Variants in RAP1GAP2 observed in about 807,000 individuals in gnomAD.
RAP1GAP2 encodes the protein RAP1 GTPase activating protein 2.
In RAP1GAP2, 27 loss-of-function variants were observed where a neutral mutation model predicts 95.0. The ratio of observed to expected loss-of-function variants is 0.28; its 90% confidence interval spans 0.21 to 0.39. The LOEUF (loss-of-function observed/expected upper bound fraction) is 0.39, where lower values mean the gene tolerates loss of function less well. Ranked by LOEUF, RAP1GAP2 falls within the 10% of genes least tolerant of loss-of-function variation. The pLI is 1.00. For missense variants in RAP1GAP2, 771 were observed against 970.0 expected (o/e 0.79, Z 2.72); for synonymous variants, 373 against 380.9 (o/e 0.98, Z 0.24).
chr17:2,917,791 C>T (rs927568749), intron 3 of RAP1GAP2, among the ~76,000 whole-genome samples: 17 of 152,100 alleles, frequency 1.1e-4, no homozygotes, highest in African/African-American at 3.6e-4. Flanking sequence ...TCTTGGCTCA[C>T]CGCAACCTCC....
intron 1 of RAP1GAP2, among the ~76,000 whole-genome samples, chr17:2,789,764 A>T (rs1453377696): frequency 7.0e-6 from 1 of 142,278 alleles, no homozygotes; most frequent in Non-Finnish European, 1.5e-5. Flanking sequence ...CTTGGGCGAC[A>T]GAGTGAGACT....
At chr17:2,970,828 C>T (rs1031340761) in intron 8 of RAP1GAP2, among the ~76,000 whole-genome samples, 2 of 151,908 alleles carry the variant, frequency 1.3e-5, no homozygotes, top group Admixed American at 1.3e-4. Context: ...TCACTTGAGC[C>T]CAGGAGTTCA....
chr17:2,896,074 G>A (rs1267618106), intron 2 of RAP1GAP2, among the ~76,000 whole-genome samples: 3 of 152,036 alleles, frequency 2.0e-5, no homozygotes, highest in African/African-American at 7.3e-5. Context: ...CCTCCTGTGC[G>A]ATCCCGTAGC....
At chr17:3,002,007 G>A (rs1024561297) in intron 14 of RAP1GAP2, among the ~76,000 whole-genome samples, 1 of 148,508 alleles carries the variant, frequency 6.7e-6, no homozygotes, top group Admixed American at 6.8e-5. Context: ...CTGTCACCCA[G>A]GCTAGAGTGC....
At chr17:2,935,483 G>A (rs1409793486) in intron 3 of RAP1GAP2, among the ~76,000 whole-genome samples, 1 of 152,038 alleles carries the variant, frequency 6.6e-6, no homozygotes, top group Non-Finnish European at 1.5e-5. Flanking sequence ...CTCCAGCCTG[G>A]GCAATAAGAG....
At chr17:2,997,616 T>A (rs1772419427) in intron 13 of RAP1GAP2, among the ~76,000 whole-genome samples, 1 of 152,164 alleles carries the variant, frequency 6.6e-6, no homozygotes, top group Non-Finnish European at 1.5e-5. Flanking sequence ...CCCATTTTTT[T>A]TTTCCTTTTT....
intron 2 of RAP1GAP2, among the ~76,000 whole-genome samples, chr17:2,832,747 C>T (rs117333996): frequency 0.022 from 3,263 of 151,698 alleles, 55 homozygotes; most frequent in Non-Finnish European, 0.032. Flanking sequence ...GAGGCCGAGG[C>T]GGGCGATGGC....
At chr17:3,026,922 C>T in intron 21 of RAP1GAP2, 22 bp from the exon 22 acceptor site, 1 of 1,547,004 alleles carries the variant, frequency 6.5e-7, no homozygotes, top group Non-Finnish European at 8.7e-7. Context: ...GCTGGCCTCG[C>T]TCACCCTGCC....
chr17:2,793,560 G>A (rs1380710362), upstream of RAP1GAP2, among the ~76,000 whole-genome samples: 1 of 152,234 alleles, frequency 6.6e-6, no homozygotes, highest in African/African-American at 2.4e-5. Flanking sequence ...CACCCAGCAT[G>A]GTGCTTGGCC....
chr17:2,813,562 C>T (rs1597358333), intron 2 of RAP1GAP2, among the ~76,000 whole-genome samples: 1 of 152,194 alleles, frequency 6.6e-6, no homozygotes, highest in South Asian at 2.1e-4. Flanking sequence ...TTGAGGCTGG[C>T]TGACTCTTTG....
intron 3 of RAP1GAP2, among the ~76,000 whole-genome samples, chr17:2,918,233 A>G (rs2042631697): frequency 6.6e-6 from 1 of 151,922 alleles, no homozygotes; most frequent in Non-Finnish European, 1.5e-5. Context: ...CAGGAGTTCA[A>G]GACCAGCCTG....
chr17:2,927,354 C>A (rs111949561), intron 3 of RAP1GAP2, among the ~76,000 whole-genome samples: 6 of 152,030 alleles, frequency 3.9e-5, no homozygotes, highest in East Asian at 2.0e-4. Flanking sequence ...GGGGTTTCAC[C>A]GTGTTAGCCA....
intron 1 of RAP1GAP2, among the ~76,000 whole-genome samples, chr17:2,762,397 CTTTTTTTTTT>C (rs71150894): frequency 1.6e-5 from 2 of 124,208 alleles, no homozygotes; most frequent in South Asian, 2.5e-4. Flanking sequence ...TTTTTTCTTT[CTTTTTTTTTT>C]TTTTTTTTGA....
intron 1 of RAP1GAP2, 116 bp from the exon 2 acceptor site, chr17:2,800,399 C>T (rs1210275253): frequency 7.1e-7 from 1 of 1,408,690 alleles, no homozygotes. Flanking sequence ...TAGCCAGTCC[C>T]TGACAGAGCC....
chr17:2,927,298 C>T (rs1432800589), intron 3 of RAP1GAP2, among the ~76,000 whole-genome samples: 24 of 152,128 alleles, frequency 1.6e-4, no homozygotes, highest in East Asian at 2.0e-4. Context: ...GGACTACAGG[C>T]ACCCGCCACC....
At chr17:2,917,029 G>A (rs187086224) in intron 3 of RAP1GAP2, among the ~76,000 whole-genome samples, 63 of 152,286 alleles carry the variant, frequency 4.1e-4, no homozygotes, top group Middle Eastern at 6.8e-3. Context: ...GGCTGGGTTC[G>A]TAGAATTCTC....
chr17:2,893,756 G>A (rs1265504036), intron 2 of RAP1GAP2, among the ~76,000 whole-genome samples: 1 of 151,734 alleles, frequency 6.6e-6, no homozygotes, highest in Non-Finnish European at 1.5e-5. Flanking sequence ...CGCTGACTGC[G>A]CCCGGGAGGG....
intron 2 of RAP1GAP2, among the ~76,000 whole-genome samples, chr17:2,849,707 C>G (rs1170994361): frequency 1.3e-5 from 2 of 152,192 alleles, no homozygotes; most frequent in Non-Finnish European, 2.9e-5. Context: ...GCTTTGGAGG[C>G]TGGAACAGGC....
At position 2,990,520 on chromosome 17, in the gene RAP1GAP2, C is replaced by G. The variant is rs180816288; in HGVS notation, c.814-777C>G. Among the ~76,000 whole-genome samples, 149 of 152,226 alleles carry G rather than the reference C, an allele frequency of 9.8e-4. 5 individuals are homozygous for G. The highest frequency in any genetic ancestry group is 8.4e-3 in the Admixed American group (129 of 15,286). ...ATCACATGGTGACTCTGCGTTTAGC[C>G]TTTGGTATATGCCCGGGAGTGAAGT... On this transcript the variant is annotated intron_variant, in intron 11 of 24. Coordinates refer to ENST00000254695, the MANE Select transcript of RAP1GAP2 (RefSeq NM_015085.5).
Sources: allele counts gnomAD v4.1 joint callset (sites outside exome capture counted in the v4.1 genomes callset), GRCh38; gene constraint gnomAD v4.1.1; transcripts MANE v1.5; gene names NCBI Gene and HGNC (gene_info 2026-07-23, HGNC 2026-07-21).